Variants in MTPN observed in about 807,000 individuals in gnomAD.
MTPN encodes granule cell differentiation protein.
Under a neutral mutation model 13.5 loss-of-function variants are expected in MTPN, and 2 were observed. The observed-to-expected ratio is 0.15, with a 90% CI of 0.06 to 0.47. The LOEUF (loss-of-function observed/expected upper bound fraction) is 0.47. Among genes scored for constraint, MTPN ranks in the 20% least tolerant of loss-of-function variants. The pLI is 0.97. For missense variants in MTPN, 79 were observed against 137.9 expected, an observed-to-expected ratio of 0.57 and a Z score of 2.14; for synonymous variants, 46 against 51.7, an observed-to-expected ratio of 0.89 and a Z score of 0.48.
chr7:135,938,411 C>T (rs1799149781), intron 3 of MTPN, among the ~76,000 whole-genome samples: 1 of 152,172 alleles, frequency 6.6e-6, no homozygotes, highest in Non-Finnish European at 1.5e-5. Flanking sequence ...AAACAAATAT[C>T]TGAAAGGACT....
chr7:135,972,630 C>T (rs1315784154), intron 1 of MTPN, among the ~76,000 whole-genome samples: 3 of 152,104 alleles, frequency 2.0e-5, no homozygotes, highest in Admixed American at 2.0e-4. Context: ...ATATTATCTA[C>T]CCTCCAGGAG....
At chr7:135,976,118 C>A (rs59583641) in intron 1 of MTPN, among the ~76,000 whole-genome samples, 38,417 of 152,044 alleles carry the variant, frequency 0.25, 5,042 homozygotes, top group East Asian at 0.26. Context: ...ATGTTAAGTT[C>A]TCTCATAATT....
chr7:135,946,179 C>T (rs1799285067), intron 3 of MTPN, among the ~76,000 whole-genome samples: 2 of 152,024 alleles, frequency 1.3e-5, no homozygotes, highest in South Asian at 2.1e-4. Flanking sequence ...CATGTTTAGC[C>T]CCCTTCTAAT....
intron 1 of MTPN, among the ~76,000 whole-genome samples, chr7:135,971,034 A>G: frequency 6.6e-6 from 1 of 152,224 alleles, no homozygotes; most frequent in Non-Finnish European, 1.5e-5. Flanking sequence ...TTTATTAGGA[A>G]AGTGAAAAGT....
At chr7:135,946,393 G>A (rs371432697) in intron 3 of MTPN, among the ~76,000 whole-genome samples, 5 of 152,334 alleles carry the variant, frequency 3.3e-5, no homozygotes, top group African/African-American at 1.2e-4. Flanking sequence ...ACTTAGGGAA[G>A]CATCATCTTA....
chr7:135,939,840 T>A (rs1366731827), intron 3 of MTPN, among the ~76,000 whole-genome samples: 1 of 152,166 alleles, frequency 6.6e-6, no homozygotes, highest in Non-Finnish European at 1.5e-5. Context: ...TTTGTCCCTA[T>A]AGCTTTAATA....
In MTPN at chr7:135,928,918, T is replaced by C. The variant is rs1294340612; in HGVS notation, c.*1008A>G. On this transcript the variant is annotated 3_prime_UTR_variant, in exon 4 of 4. Coordinates refer to ENST00000393085, the MANE Select transcript of MTPN (RefSeq NM_145808.4). ...GTCCAAACAGTAAATCTCACCCCAG[T>C]GATAGCTTTGGTGCAGTAAGTAATC... 6.0e-6 allele frequency: 1 copy of C among 167,088 alleles called. No homozygotes were observed. Among genetic ancestry groups the C allele is most frequent in the East Asian group, 1.9e-4 (1 of 5,204 alleles). The allele number at this position is 167,088 out of a possible 1,614,324, so 10.4% of individuals were successfully genotyped here.
intron 3 of MTPN, among the ~76,000 whole-genome samples, chr7:135,933,838 A>T (rs1302448792): frequency 6.6e-6 from 1 of 152,072 alleles, no homozygotes; most frequent in Non-Finnish European, 1.5e-5. Context: ...GTGGGAGGTG[A>T]CTGGATCACG....
At chr7:135,961,226 G>A (rs149006667) in intron 1 of MTPN, among the ~76,000 whole-genome samples, 1 of 152,002 alleles carries the variant, frequency 6.6e-6, no homozygotes, top group Non-Finnish European at 1.5e-5. Flanking sequence ...TACATAACCA[G>A]AACAGGAACA....
chr7:135,958,571 TG>T (rs972204115), intron 1 of MTPN, among the ~76,000 whole-genome samples: 3 of 152,212 alleles, frequency 2.0e-5, no homozygotes, highest in Admixed American at 6.5e-5. Flanking sequence ...AGAACCTTGC[TG>T]ATCAGTCCAT....
intron 1 of MTPN, among the ~76,000 whole-genome samples, chr7:135,963,108 G>GT (rs1799550411): frequency 6.6e-6 from 1 of 152,038 alleles, no homozygotes; most frequent in African/African-American, 2.4e-5. Flanking sequence ...AGCAGCAAAA[G>GT]TATTAAATTT....
rs773742759 is a variant in MTPN at position 135,951,565 on chromosome 7, C to T, written c.138G>A (p.Gly46=). Reference sequence around the variant, plus strand: ...GCAGAAATTCCAGGATTTCAAGCTGCCCACAATCTGCTGCATAATGAAGAG... The same window carrying T: ...GCAGAAATTCCAGGATTTCAAGCTGTCCACAATCTGCTGCATAATGAAGAG... ...RKPLHYAADC[G]QLEILEFLLL... Residue 46 remains glycine, a synonymous_variant, in exon 2 of 4, where the codon GGG becomes GGA. Coordinates refer to ENST00000393085, the MANE Select transcript of MTPN (RefSeq NM_145808.4). The T allele has an allele frequency of 4.3e-6, 7 of 1,613,530 alleles. No individual in the cohort carries two copies. The South Asian group carries it at 6.6e-5, about 15-fold the overall frequency.
chr7:135,976,882 A>AC (rs1799782150), intron 1 of MTPN, 147 bp downstream of exon 1: 2 of 741,392 alleles, frequency 2.7e-6, no homozygotes, highest in African/African-American at 3.5e-5. Context: ...TCCTCCCTAG[A>AC]CGCCCCTCTC....
In MTPN at chr7:135,977,326, G is replaced by C. The variant is rs545281496; in HGVS notation, c.-226C>G. 7.4e-5 allele frequency: 43 copies of C among 578,088 alleles called. No homozygotes were observed. The Middle Eastern group carries it at 1.4e-3, about 19-fold the overall frequency. The allele number at this position is 578,088 out of a possible 1,614,324, so 35.8% of individuals were successfully genotyped here. ...CCACCGGGCCCAGCAGAGAGGTTCC[G>C]CCTGGCCGAGGAGAGGCAGGAACCT... On this transcript the variant is annotated 5_prime_UTR_variant, in exon 1 of 4. Coordinates refer to ENST00000393085, the MANE Select transcript of MTPN (RefSeq NM_145808.4).
chr7:135,951,736 G>T, intron 1 of MTPN, 106 bp from the exon 2 acceptor site: 1 of 640,590 alleles, frequency 1.6e-6, no homozygotes, highest in Non-Finnish European at 2.6e-6. Context: ...AGAGTTTCAT[G>T]AAACAATTAA....
chr7:135,956,155 G>C (rs180866584), intron 1 of MTPN, among the ~76,000 whole-genome samples: 1 of 152,296 alleles, frequency 6.6e-6, no homozygotes, highest in East Asian at 1.9e-4. Flanking sequence ...AATTTCACCA[G>C]GTTTTCAGCA....
intron 3 of MTPN, among the ~76,000 whole-genome samples, chr7:135,946,374 C>T (rs1419243083): frequency 6.6e-6 from 1 of 152,190 alleles, no homozygotes; most frequent in Non-Finnish European, 1.5e-5. Flanking sequence ...TACACACTCA[C>T]CTTGTAGCAC....
chr7:135,927,594 T>C lies in MTPN; in HGVS notation c.*2332A>G, dbSNP rs1456364870. Reference sequence around the variant, plus strand: ...GCTTCCTTTACTCAAAATATGAACATTAAGTGTTGTGAATTTGTCTGCCAA... The same window carrying C: ...GCTTCCTTTACTCAAAATATGAACACTAAGTGTTGTGAATTTGTCTGCCAA... On this transcript the variant is annotated 3_prime_UTR_variant, in exon 4 of 4. Transcript: ENST00000393085. The C allele has an allele frequency of 7.3e-6, 5 of 685,218 alleles. No homozygotes were observed. The highest frequency in any genetic ancestry group is 1.3e-5 in the Non-Finnish European group (5 of 373,978). 42.4% of individuals were successfully genotyped at this position (685,218 alleles called of 1,614,324 possible).
chr7:135,960,870 A>C (rs1009083902), intron 1 of MTPN: 2 of 151,932 alleles, frequency 1.3e-5, no homozygotes, highest in African/African-American at 4.8e-5. Context: ...CTACAGAGTA[A>C]TCAAAATGGA....
Sources: allele counts gnomAD v4.1 joint callset (sites outside exome capture counted in the v4.1 genomes callset), GRCh38; gene constraint gnomAD v4.1.1; transcripts MANE v1.5; gene names NCBI Gene and HGNC (gene_info 2026-07-23, HGNC 2026-07-21).